The following EPB41L2 variants were observed in gnomAD, a reference collection of about 807,000 sequenced individuals.
The protein encoded by EPB41L2 is erythrocyte membrane protein band 4.1 like 2, also known as band 4.1-like protein 2.
Under a neutral mutation model 113.0 loss-of-function variants are expected in EPB41L2, and 43 were observed. That is an observed-to-expected ratio of 0.38 (90% CI 0.30 to 0.49). The LOEUF is 0.49. Among genes scored for constraint, EPB41L2 ranks in the 20% least tolerant of loss-of-function variants. The pLI, the probability that EPB41L2 is intolerant of heterozygous loss-of-function variation, is 0.95. For missense variants in EPB41L2, 1,147 were observed against 1,223.4 expected (o/e 0.94, Z 0.93); for synonymous variants, 442 against 436.7 (o/e 1.01, Z -0.15).
At chr6:131,010,244 T>C (rs1246460097) in intron 1 of EPB41L2, among the ~76,000 whole-genome samples, 2 of 152,116 alleles carry the variant, frequency 1.3e-5, no homozygotes, top group East Asian at 1.9e-4. Context: ...CAAGGGCCAG[T>C]AGAAGTGAAG....
chr6:130,968,202 T>C (rs1354824120), intron 1 of EPB41L2, among the ~76,000 whole-genome samples: 9 of 151,976 alleles, frequency 5.9e-5, no homozygotes. Context: ...AAACGACAAA[T>C]CCACCAAGGT....
At position 130,926,622 on chromosome 6, in the gene EPB41L2, C is replaced by T; in HGVS notation, c.793G>A (p.Glu265Lys). Reference protein sequence around the residue: ...EKDYFGLLFQESPEQKNWLDP... With the variant: ...EKDYFGLLFQKSPEQKNWLDP... ...TCACTTACTTTCTGCTCAGGGCTTT[C>T]CTGAAACAAAAGTCCAAAGTAGTCT... The change falls in exon 4 of 20, where the codon GAA becomes AAA. Residue 265 changes from glutamate (E) to lysine (K), a missense_variant. Transcript: ENST00000337057. 1 of 1,606,004 alleles carries T rather than the reference C, an allele frequency of 6.2e-7. No homozygotes were observed. Among genetic ancestry groups the T allele is most frequent in the Non-Finnish European group, 8.5e-7 (1 of 1,177,158 alleles).
chr6:130,955,685 G>A (rs1450631969), intron 2 of EPB41L2, among the ~76,000 whole-genome samples: 1 of 152,204 alleles, frequency 6.6e-6, no homozygotes, highest in Non-Finnish European at 1.5e-5. Context: ...TTACTGTCCA[G>A]TGAAAACTTA....
chr6:130,994,849 T>C (rs1013983923), intron 1 of EPB41L2, among the ~76,000 whole-genome samples: 23 of 152,164 alleles, frequency 1.5e-4, no homozygotes, highest in African/African-American at 5.3e-4. Context: ...GCGTATCCGA[T>C]TGCCTCCTTT....
At chr6:130,876,643 A>G in intron 14 of EPB41L2, 1 of 1,238,940 alleles carries the variant, frequency 8.1e-7, no homozygotes, top group Non-Finnish European at 1.1e-6. Flanking sequence ...GGGAAAAAGC[A>G]AGAGTAGATC....
chr6:130,956,258 C>T lies in EPB41L2; in HGVS notation c.228G>A (p.Arg76=). 1 of 1,614,150 alleles carries T rather than the reference C, an allele frequency of 6.2e-7. No homozygotes were observed. Among genetic ancestry groups the T allele is most frequent in the Non-Finnish European group, 8.5e-7 (1 of 1,180,036 alleles). ...GCTTCTTAAGCCATGGCGGTATGAA[C>T]CGAGAAATACCCCTGCTCTCCGATG... is the stretch of plus-strand genomic sequence containing the variant. ...KETSESRGIS[R]FIPPWLKKQK... is the part of the protein sequence containing the mutation. The change falls in exon 2 of 20, where the codon CGG becomes CGA. Residue 76 remains arginine (R), a synonymous_variant. Transcript: ENST00000337057.
intron 1 of EPB41L2, among the ~76,000 whole-genome samples, chr6:130,992,425 G>T (rs1379046693): frequency 6.6e-6 from 1 of 152,102 alleles, no homozygotes; most frequent in Non-Finnish European, 1.5e-5. Context: ...ACTTAGGCTT[G>T]TGGTAGGTAG....
intron 1 of EPB41L2, among the ~76,000 whole-genome samples, chr6:130,996,649 AC>A (rs574757353): frequency 1.1e-3 from 174 of 152,328 alleles, no homozygotes; most frequent in African/African-American, 3.9e-3. Context: ...AAGTTCTACT[AC>A]CTTAAGAATT....
At chr6:130,848,972 A>T (rs79322487) in intron 19 of EPB41L2, among the ~76,000 whole-genome samples, 79 of 152,246 alleles carry the variant, frequency 5.2e-4, no homozygotes, top group Non-Finnish European at 9.8e-4. Context: ...GCAGTTTAAC[A>T]TTAAATATTC....
intron 19 of EPB41L2, among the ~76,000 whole-genome samples, chr6:130,854,693 A>G (rs980480270): frequency 1.3e-5 from 2 of 152,202 alleles, no homozygotes; most frequent in South Asian, 2.1e-4. Context: ...TTATGTTTGT[A>G]TAACACTCAC....
chr6:131,056,296 A>G (rs999256681), intron 1 of EPB41L2, among the ~76,000 whole-genome samples: 2 of 152,232 alleles, frequency 1.3e-5, no homozygotes, highest in African/African-American at 4.8e-5. Context: ...AGAAGTTAGA[A>G]CATATGCACA....
intron 19 of EPB41L2, among the ~76,000 whole-genome samples, chr6:130,851,584 G>A (rs573766076): frequency 6.6e-6 from 1 of 152,272 alleles, no homozygotes; most frequent in East Asian, 1.9e-4. Flanking sequence ...GGCAGGCAGA[G>A]CTCATGGAAG....
chr6:130,933,729 T>C (rs1807755028), intron 3 of EPB41L2, among the ~76,000 whole-genome samples: 1 of 152,172 alleles, frequency 6.6e-6, no homozygotes, highest in Non-Finnish European at 1.5e-5. Flanking sequence ...CAGGCTGGAA[T>C]CTGAGAGGCT....
At chr6:130,952,813 A>G (rs1473161460) in intron 3 of EPB41L2, among the ~76,000 whole-genome samples, 1 of 151,844 alleles carries the variant, frequency 6.6e-6, no homozygotes, top group East Asian at 1.9e-4. Flanking sequence ...CCATCTCAAA[A>G]AAAAAAAATC....
At chr6:131,018,118 A>G (rs1176645032) in intron 1 of EPB41L2, among the ~76,000 whole-genome samples, 1 of 152,230 alleles carries the variant, frequency 6.6e-6, no homozygotes, top group African/African-American at 2.4e-5. Context: ...CTACAAGTAC[A>G]GGAGTAAGCA....
In EPB41L2 at chr6:130,962,711, G is replaced by C. The variant is rs535528079; in HGVS notation, c.-14-6212C>G. Among the ~76,000 whole-genome samples, 16 of 152,232 alleles carry C rather than the reference G, an allele frequency of 1.1e-4. 1 individual carries two copies. Among genetic ancestry groups the C allele is most frequent in the African/African-American group, 3.9e-4 (16 of 41,532 alleles). On this transcript the variant is annotated intron_variant, in intron 1 of 19. Transcript: ENST00000337057. Reference sequence around the variant, plus strand: ...AATCTTCCCTAGTTCAAGTCTAGATGGGATCAGGTGACATTCAGATATATT... The same window carrying C: ...AATCTTCCCTAGTTCAAGTCTAGATCGGATCAGGTGACATTCAGATATATT...
chr6:131,042,188 T>A (rs1562787234), intron 1 of EPB41L2, among the ~76,000 whole-genome samples: 1 of 152,114 alleles, frequency 6.6e-6, no homozygotes, highest in African/African-American at 2.4e-5. Flanking sequence ...AAAAAGAAAC[T>A]CAGTAAGAAT....
intron 1 of EPB41L2, among the ~76,000 whole-genome samples, chr6:131,034,718 GT>G (rs1342753621): frequency 2.0e-5 from 3 of 152,108 alleles, no homozygotes; most frequent in African/African-American, 7.2e-5. Context: ...TTTAAAAAAG[GT>G]TATTGAAATG....
chr6:130,874,694 A>C (rs1786930039), intron 14 of EPB41L2, among the ~76,000 whole-genome samples: 1 of 152,212 alleles, frequency 6.6e-6, no homozygotes, highest in South Asian at 2.1e-4. Flanking sequence ...CAGAAAAACA[A>C]GTAACTTCAA....
Sources: gnomAD v4.1 joint callset for allele counts (sites outside exome capture counted in the v4.1 genomes callset) on GRCh38, gnomAD v4.1.1 for gene constraint, MANE v1.5 for transcripts, NCBI Gene and HGNC (gene_info 2026-07-23, HGNC 2026-07-21) for gene names.